The following SLMAP variants were observed in gnomAD, a reference collection of about 807,000 sequenced individuals.
SLMAP encodes sarcolemmal membrane-associated protein.
In SLMAP, 44 loss-of-function variants were observed where a neutral mutation model predicts 128.8. That is an observed-to-expected ratio of 0.34 (90% CI 0.27 to 0.44). The LOEUF is 0.44. Ranked by LOEUF, SLMAP falls within the 20% of genes least tolerant of loss-of-function variation. SLMAP has a pLI of 1.00. For synonymous variants in SLMAP, 327 were observed against 348.8 expected (o/e 0.94, Z 0.70); for missense variants, 787 against 985.3 (o/e 0.80, Z 2.69).
intron 14 of SLMAP, among the ~76,000 whole-genome samples, chr3:57,882,611 T>A (rs1438618760): frequency 1.3e-5 from 2 of 152,228 alleles, no homozygotes; most frequent in Non-Finnish European, 2.9e-5. Context: ...AAATTAGCCA[T>A]GGACAATATG....
At chr3:57,812,253 G>A (rs952624383) in intron 2 of SLMAP, among the ~76,000 whole-genome samples, 3 of 152,134 alleles carry the variant, frequency 2.0e-5, no homozygotes, top group African/African-American at 7.2e-5. Context: ...TTTGTATATA[G>A]TGTTACGTTA....
chr3:57,808,344 G>A (rs1371267079), intron 2 of SLMAP, among the ~76,000 whole-genome samples: 1 of 152,016 alleles, frequency 6.6e-6, no homozygotes, highest in African/African-American at 2.4e-5. Flanking sequence ...TTTTAATTGT[G>A]ATGTTAGGGT....
intron 6 of SLMAP, among the ~76,000 whole-genome samples, chr3:57,854,942 A>T (rs1044065865): frequency 6.6e-6 from 1 of 152,158 alleles, no homozygotes; most frequent in African/African-American, 2.4e-5. Flanking sequence ...CCTATTACAC[A>T]CCTAGGCTAT....
intron 2 of SLMAP, among the ~76,000 whole-genome samples, chr3:57,786,552 C>CT (rs34574598): frequency 0.039 from 5,031 of 129,918 alleles, 118 homozygotes; most frequent in Middle Eastern, 0.07. Context: ...AATTATATAG[C>CT]TTTTTTTTTT....
At chr3:57,866,701 G>C (rs2095312875) in intron 13 of SLMAP, among the ~76,000 whole-genome samples, 1 of 152,134 alleles carries the variant, frequency 6.6e-6, no homozygotes, top group Admixed American at 6.6e-5. Flanking sequence ...TGAGCATCAT[G>C]GTGAAACTTT....
chr3:57,929,082 A>G lies in SLMAP; in HGVS notation c.*1793A>G, dbSNP rs1294925913. ...AATCTATTTTGTAAAGATATAAAGT[A>G]CAATAGAATTTCTGGAGTACAGATT... On this transcript the variant is annotated 3_prime_UTR_variant, in exon 25 of 25. Coordinates refer to ENST00000671191, the MANE Select transcript of SLMAP (RefSeq NM_001377540.1). 6.6e-6 allele frequency: 1 copy of G among 152,648 alleles called. No homozygotes were observed. Among genetic ancestry groups the G allele is most frequent in the Non-Finnish European group, 1.5e-5 (1 of 68,024 alleles). The allele number at this position is 152,648 out of a possible 1,614,324, so 9.5% of individuals were successfully genotyped here. A position where few individuals can be genotyped will look rare whatever the true frequency, so the allele number is the denominator to read the frequency against.
chr3:57,789,044 G>A (rs1455154865), intron 2 of SLMAP, among the ~76,000 whole-genome samples: 2 of 152,066 alleles, frequency 1.3e-5, no homozygotes, highest in Non-Finnish European at 2.9e-5. Flanking sequence ...CTTGTATGTC[G>A]GGGGAAATGT....
At chr3:57,805,811 G>A (rs1276877581) in intron 2 of SLMAP, among the ~76,000 whole-genome samples, 1 of 152,020 alleles carries the variant, frequency 6.6e-6, no homozygotes, top group African/African-American at 2.4e-5. Context: ...TCACATACTA[G>A]TCCTCTTGAC....
intron 14 of SLMAP, among the ~76,000 whole-genome samples, chr3:57,882,905 T>C (rs1187490293): frequency 6.6e-6 from 1 of 152,206 alleles, no homozygotes; most frequent in African/African-American, 2.4e-5. Context: ...TTTGTGTTTA[T>C]ACTATTTTAT....
intron 10 of SLMAP, 63 bp from the exon 11 acceptor site, chr3:57,864,485 C>T (rs2095236427): frequency 1.7e-6 from 2 of 1,146,230 alleles, no homozygotes; most frequent in Admixed American, 2.6e-5. Context: ...AAAGGCATTC[C>T]TGGGGCTCGC....
intron 2 of SLMAP, among the ~76,000 whole-genome samples, chr3:57,794,333 T>G (rs1197322203): frequency 6.6e-6 from 1 of 152,218 alleles, no homozygotes; most frequent in African/African-American, 2.4e-5. Flanking sequence ...GTCTTTATCC[T>G]TTGGCTTTTA....
At chr3:57,866,983 G>T (rs115813732) in intron 13 of SLMAP, among the ~76,000 whole-genome samples, 1 of 152,140 alleles carries the variant, frequency 6.6e-6, no homozygotes, top group African/African-American at 2.4e-5. Flanking sequence ...GACCACCAAG[G>T]TCTGGACAAC....
chr3:57,878,766 A>T (rs2095659907), intron 14 of SLMAP, among the ~76,000 whole-genome samples: 1 of 152,218 alleles, frequency 6.6e-6, no homozygotes, highest in South Asian at 2.1e-4. Context: ...CATGCTATTT[A>T]AAAAATTTGG....
At chr3:57,853,912 G>T (rs1386375079) in intron 6 of SLMAP, among the ~76,000 whole-genome samples, 2 of 125,026 alleles carry the variant, frequency 1.6e-5, no homozygotes, top group Non-Finnish European at 3.2e-5. Context: ...CTGCACTCCA[G>T]CCTGGACAAT....
chr3:57,860,775 A>G lies in SLMAP; in HGVS notation c.764A>G (p.Lys255Arg), dbSNP rs1336320338. The G allele has an allele frequency of 6.2e-7, 1 of 1,600,382 alleles. No homozygotes were observed. The highest frequency in any genetic ancestry group is 2.3e-5 in the East Asian group (1 of 44,180). ...AAACATAACTATGAGACAACAGCCAAAGAGTCCCTGAGGCGGGTTCTTCAG... is the reference window on the plus strand; with the variant it reads ...AAACATAACTATGAGACAACAGCCAGAGAGTCCCTGAGGCGGGTTCTTCAG... ...EDKHNYETTA[K>R]ESLRRVLQEK... The change falls in exon 9 of 25, where the codon AAA (lysine) becomes AGA (arginine). Residue 255 changes from lysine (K) to arginine (R), a missense_variant. By Grantham distance (26) the Lys-to-Arg change is conservative (BLOSUM62 2). Transcript: ENST00000671191.
Position 57,927,927 on chromosome 3 carries a change from C to A in SLMAP, c.*638C>A, listed in dbSNP as rs2097033738. 1 of 151,736 alleles carries A rather than the reference C, an allele frequency of 6.6e-6. No individual in the cohort carries two copies. The highest frequency in any genetic ancestry group is 2.1e-4 in the South Asian group (1 of 4,786). The allele number at this position is 151,736 out of a possible 1,614,324, so 9.4% of individuals were successfully genotyped here. A position where few individuals can be genotyped will look rare whatever the true frequency, so the allele number is the denominator to read the frequency against. On this transcript the variant is annotated 3_prime_UTR_variant, in exon 25 of 25. Transcript: ENST00000671191. ...AGCTATTGGGAACAAGACTTAGAGA[C>A]AACTATTTGCGTGGATTTTTTTTTT...
chr3:57,848,199 T>C (rs2094341548), intron 5 of SLMAP, among the ~76,000 whole-genome samples: 1 of 150,852 alleles, frequency 6.6e-6, no homozygotes, highest in South Asian at 2.1e-4. Flanking sequence ...CTCCTCCTCT[T>C]CTTTTCTTTC....
chr3:57,872,260 C>A (rs2095498252), intron 14 of SLMAP, among the ~76,000 whole-genome samples: 1 of 152,082 alleles, frequency 6.6e-6, no homozygotes, highest in Non-Finnish European at 1.5e-5. Context: ...CGAGATCGCA[C>A]CATTGCACTC....
At chr3:57,873,475 C>T (rs1395205163) in intron 14 of SLMAP, among the ~76,000 whole-genome samples, 2 of 151,816 alleles carry the variant, frequency 1.3e-5, no homozygotes, top group South Asian at 2.1e-4. Flanking sequence ...TGCACTCCAG[C>T]CTAGGCGACA....
Sources: gnomAD v4.1 joint callset for allele counts (sites outside exome capture counted in the v4.1 genomes callset) on GRCh38, gnomAD v4.1.1 for gene constraint, MANE v1.5 for transcripts, NCBI Gene and HGNC (gene_info 2026-07-23, HGNC 2026-07-21) for gene names.